The following DISC1 variants were observed in gnomAD, a reference collection of about 807,000 sequenced individuals.
DISC1 encodes DISC1 scaffold protein.
DISC1 carries 57 observed loss-of-function variants against 84.5 expected under a neutral mutation model. That is an observed-to-expected ratio of 0.67 (90% CI 0.55 to 0.84). The LOEUF (loss-of-function observed/expected upper bound fraction) is 0.84. DISC1 is among the 40% of genes least tolerant of loss of function. DISC1 has a pLI of 0.00. For missense variants in DISC1, 1,000 were observed against 1,057.8 expected, an observed-to-expected ratio of 0.95 and a Z score of 0.76; for synonymous variants, 411 against 415.2, an observed-to-expected ratio of 0.99 and a Z score of 0.12.
intron 9 of DISC1, among the ~76,000 whole-genome samples, chr1:231,829,857 C>T (rs146830680): frequency 0.073 from 9,655 of 131,850 alleles, 569 homozygotes; most frequent in East Asian, 0.36. Flanking sequence ...TGTTCTCTGG[C>T]GGGCAGGAGT....
At chr1:232,005,733 G>A (rs1667341741) in intron 10 of DISC1, among the ~76,000 whole-genome samples, 1 of 152,128 alleles carries the variant, frequency 6.6e-6, no homozygotes, top group Non-Finnish European at 1.5e-5. Context: ...ACATGATGGA[G>A]AATTTTGACA....
chr1:231,912,239 TGGA>T (rs1342201329), intron 9 of DISC1, among the ~76,000 whole-genome samples: 1 of 152,206 alleles, frequency 6.6e-6, no homozygotes, highest in Non-Finnish European at 1.5e-5. Context: ...TGTGTTCCTT[TGGA>T]GGAGAAGAGA....
chr1:231,804,431 C>T (rs2079545719), intron 8 of DISC1, among the ~76,000 whole-genome samples: 1 of 150,454 alleles, frequency 6.6e-6, no homozygotes, highest in South Asian at 2.1e-4. Context: ...ACTGAGGATG[C>T]AGTAGAGAAC....
chr1:231,825,235 CT>C (rs533446333), intron 9 of DISC1, among the ~76,000 whole-genome samples: 199 of 152,290 alleles, frequency 1.3e-3, no homozygotes, highest in African/African-American at 4.5e-3. Context: ...CACTTACCCC[CT>C]GGGTGGAAAT....
intron 9 of DISC1, among the ~76,000 whole-genome samples, chr1:231,923,277 ACT>A (rs1454553691): frequency 3.3e-5 from 5 of 149,258 alleles, no homozygotes; most frequent in South Asian, 2.1e-4. Flanking sequence ...ACAGAGCAAG[ACT>A]CTGTCTCAAA....
intron 11 of DISC1, among the ~76,000 whole-genome samples, chr1:232,011,157 C>T (rs1000725249): frequency 2.0e-5 from 3 of 152,138 alleles, no homozygotes; most frequent in Non-Finnish European, 2.9e-5. Flanking sequence ...GATTCGTTTT[C>T]CTGCATAGCA....
chr1:231,807,406 T>G (rs2079824383), intron 8 of DISC1, among the ~76,000 whole-genome samples: 1 of 152,232 alleles, frequency 6.6e-6, no homozygotes. Context: ...TCATTATTGA[T>G]CTGGTCCATC....
At chr1:231,867,088 T>C (rs55696805) in intron 9 of DISC1, among the ~76,000 whole-genome samples, 8,878 of 152,264 alleles carry the variant, frequency 0.058, 377 homozygotes, top group African/African-American at 0.11. Context: ...AAACCTCTGC[T>C]TCAGTGTTAC....
At chr1:231,972,088 CT>C (rs1662054900) in intron 10 of DISC1, among the ~76,000 whole-genome samples, 1 of 152,210 alleles carries the variant, frequency 6.6e-6, no homozygotes, top group South Asian at 2.1e-4. Context: ...GCTGCCCGGT[CT>C]CACTTTGCAA....
At chr1:231,841,387 C>T (rs2083054909) in intron 9 of DISC1, among the ~76,000 whole-genome samples, 1 of 152,242 alleles carries the variant, frequency 6.6e-6, no homozygotes, top group Non-Finnish European at 1.5e-5. Context: ...TCCCCAGACC[C>T]TGAATTTCCA....
At chr1:231,866,735 G>T in intron 9 of DISC1, 1 of 1,341,394 alleles carries the variant, frequency 7.5e-7, no homozygotes, top group East Asian at 2.6e-5. Context: ...CTTTCTAGTC[G>T]TCGTGCTTTG....
chr1:231,710,173 C>CA (rs1355306639), intron 3 of DISC1, among the ~76,000 whole-genome samples: 2 of 151,996 alleles, frequency 1.3e-5, no homozygotes, highest in Admixed American at 6.6e-5. Context: ...CCCATCTCTA[C>CA]AAAAAAATGA....
chr1:231,844,696 G>A (rs1413851129), intron 9 of DISC1, among the ~76,000 whole-genome samples: 1 of 151,930 alleles, frequency 6.6e-6, no homozygotes, highest in Non-Finnish European at 1.5e-5. Flanking sequence ...GGAGGCCGAC[G>A]GGGGTGGATC....
At chr1:231,899,511 G>A (rs2087979852) in intron 9 of DISC1, among the ~76,000 whole-genome samples, 1 of 152,176 alleles carries the variant, frequency 6.6e-6, no homozygotes, top group Non-Finnish European at 1.5e-5. Context: ...GTGGCTGTAA[G>A]TTTTACCTAA....
At chr1:231,895,660 T>G (rs908804983) in intron 9 of DISC1, among the ~76,000 whole-genome samples, 23 of 152,032 alleles carry the variant, frequency 1.5e-4, no homozygotes, top group Non-Finnish European at 2.9e-4. Context: ...CATTTTTGCA[T>G]CCATATTAAT....
intron 6 of DISC1, among the ~76,000 whole-genome samples, chr1:231,785,134 C>T (rs2077730626): frequency 6.6e-6 from 1 of 152,054 alleles, no homozygotes; most frequent in Non-Finnish European, 1.5e-5. Flanking sequence ...GCTGTTTCCA[C>T]AGTCATTTTG....
chr1:231,874,935 AG>A (rs1332734883), intron 9 of DISC1, among the ~76,000 whole-genome samples: 1 of 151,362 alleles, frequency 6.6e-6, no homozygotes, highest in African/African-American at 2.4e-5. Context: ...AAAAAAAAAA[AG>A]AATACCATAG....
intron 1 of DISC1, among the ~76,000 whole-genome samples, chr1:231,667,136 AAAG>A (rs2062096832): frequency 6.6e-6 from 1 of 152,120 alleles, no homozygotes; most frequent in South Asian, 2.1e-4. Context: ...CTACCCCTTA[AAAG>A]AAGGAGGAAC....
chr1:231,895,603 T>C (rs926821982), intron 9 of DISC1, among the ~76,000 whole-genome samples: 16 of 146,268 alleles, frequency 1.1e-4, no homozygotes, highest in African/African-American at 4.0e-4. Context: ...TAAACTCTAT[T>C]ATTCTTTACC....
Sources: gnomAD v4.1 joint callset for allele counts (sites outside exome capture counted in the v4.1 genomes callset) on GRCh38, gnomAD v4.1.1 for gene constraint, MANE v1.5 for transcripts, NCBI Gene and HGNC (gene_info 2026-07-23, HGNC 2026-07-21) for gene names.